Variants in EIPR1 observed in about 807,000 individuals in gnomAD.
EIPR1 encodes the protein EARP and GARP complex-interacting protein 1.
EIPR1 carries 25 observed loss-of-function variants against 48.1 expected under a neutral mutation model. The observed-to-expected ratio is 0.52, with a 90% CI of 0.38 to 0.73. The LOEUF (loss-of-function observed/expected upper bound fraction) is 0.73. EIPR1 is among the 30% of genes least tolerant of loss of function. EIPR1 has a pLI of 0.00. For missense variants in EIPR1, 415 were observed against 506.2 expected (o/e 0.82, Z 1.73); for synonymous variants, 204 against 201.9 (o/e 1.01, Z -0.09).
At chr2:3,254,002 G>A (rs1018083982) in intron 4 of EIPR1, among the ~76,000 whole-genome samples, 3 of 152,114 alleles carry the variant, frequency 2.0e-5, no homozygotes, top group South Asian at 2.1e-4. Context: ...TGGCATTCTC[G>A]GGCACTCCCA....
intron 3 of EIPR1, among the ~76,000 whole-genome samples, chr2:3,305,185 A>G (rs1204881347): frequency 1.1e-4 from 10 of 87,054 alleles, no homozygotes; most frequent in African/African-American, 1.4e-4. Flanking sequence ...CTCCAATCCC[A>G]TCCAGTTCAA....
intron 8 of EIPR1, among the ~76,000 whole-genome samples, chr2:3,190,860 G>A (rs966946271): frequency 6.6e-6 from 1 of 152,220 alleles, no homozygotes; most frequent in Non-Finnish European, 1.5e-5. Context: ...CTAGCACTTT[G>A]GGAGGCTGAA....
Position 3,189,632 on chromosome 2 carries a change from G to T in EIPR1, c.990-124C>A. On this transcript the variant is annotated intron_variant, in intron 8 of 8. Coordinates refer to ENST00000382125, the MANE Select transcript of EIPR1 (RefSeq NM_003310.5). The surrounding 1 kb of genome is among the most constrained non-coding windows in gnomAD (Gnocchi z 4.6). The stretch of plus-strand genomic sequence containing the variant: ...AGGTACTGGGGCCTCAGCTTTCTCC[G>T]CTGTGGGATGGGAAGAATTAGAGGA... 3 of 917,232 alleles carry T rather than the reference G, an allele frequency of 3.3e-6. No homozygotes were observed. The highest frequency in any genetic ancestry group is 3.1e-6 in the Non-Finnish European group (2 of 654,124). The allele number at this position is 917,232 out of a possible 1,614,324, so 56.8% of individuals were successfully genotyped here.
intron 3 of EIPR1, among the ~76,000 whole-genome samples, chr2:3,263,850 T>TCTTACTAA (rs10629310): frequency 0.018 from 2,656 of 151,736 alleles, 72 homozygotes; most frequent in African/African-American, 0.061. Context: ...CCATTAACTT[T>TCTTACTAA]CTAATTAAAA....
chr2:3,194,699 G>A (rs1199546724), intron 6 of EIPR1, among the ~76,000 whole-genome samples: 3 of 151,892 alleles, frequency 2.0e-5, no homozygotes, highest in Non-Finnish European at 4.4e-5. Context: ...GAGAGAAAGG[G>A]GGGGGCAGTG....
chr2:3,335,845 C>G (rs1304477635), intron 3 of EIPR1, among the ~76,000 whole-genome samples: 1 of 152,186 alleles, frequency 6.6e-6, no homozygotes, highest in South Asian at 2.1e-4. Context: ...CCTGAGGCCG[C>G]CCAGTCATGC....
At chr2:3,336,646 T>C (rs1453493088) in intron 3 of EIPR1, among the ~76,000 whole-genome samples, 1 of 152,054 alleles carries the variant, frequency 6.6e-6, no homozygotes, top group Admixed American at 6.5e-5. Flanking sequence ...TGTGCACCTG[T>C]AATCCCAGCT....
In EIPR1 at chr2:3,370,026, T is replaced by C. The variant is rs188335895; in HGVS notation, c.42+7622A>G. 6.9e-3 allele frequency among the ~76,000 whole-genome samples: 1,057 copies of C among 152,138 alleles called. 24 individuals are homozygous for C. Among genetic ancestry groups the C allele is most frequent in the African/African-American group, 0.025 (1,019 of 41,508 alleles). ...ACTGACACCTCACACGGCCGGGTAC[T>C]CCTCTGAGACAAAACTTCCAGAGGA... On this transcript the variant is annotated intron_variant, in intron 1 of 8. Coordinates refer to ENST00000382125, the MANE Select transcript of EIPR1 (RefSeq NM_003310.5).
intron 1 of EIPR1, among the ~76,000 whole-genome samples, chr2:3,367,107 TA>T (rs34760448): frequency 0.51 from 72,088 of 142,584 alleles, 18,734 homozygotes; most frequent in Admixed American, 0.61. Flanking sequence ...CTGATGAAAT[TA>T]AAAAAAAAAA....
intron 3 of EIPR1, among the ~76,000 whole-genome samples, chr2:3,291,821 A>G (rs527938317): frequency 6.6e-6 from 1 of 152,192 alleles, no homozygotes; most frequent in Non-Finnish European, 1.5e-5. Flanking sequence ...CGTTTTCCTG[A>G]TTTTCTTGGA....
At chr2:3,373,079 C>T (rs1250734085) in intron 1 of EIPR1, among the ~76,000 whole-genome samples, 21 of 152,236 alleles carry the variant, frequency 1.4e-4, no homozygotes, top group Non-Finnish European at 1.9e-4. Flanking sequence ...GTTCAATCTA[C>T]GCAAATCAAT....
chr2:3,257,205 T>C, intron 4 of EIPR1, 94 bp downstream of exon 4: 1 of 1,384,258 alleles, frequency 7.2e-7, no homozygotes, highest in Non-Finnish European at 9.7e-7. Context: ...TTCCGAGGTG[T>C]GGACGGTGGC....
intron 1 of EIPR1, among the ~76,000 whole-genome samples, chr2:3,373,357 C>T (rs577796416): frequency 1.3e-5 from 2 of 152,050 alleles, no homozygotes; most frequent in East Asian, 1.9e-4. Flanking sequence ...TCCTATTCAA[C>T]ATAGTGTTGG....
At chr2:3,207,899 A>G (rs1665291393) in intron 5 of EIPR1, 1 of 152,376 alleles carries the variant, frequency 6.6e-6, no homozygotes, top group South Asian at 2.1e-4. Flanking sequence ...AACTTGGTAA[A>G]TTATACTATG....
At chr2:3,303,923 C>A (rs10175490) in intron 3 of EIPR1, among the ~76,000 whole-genome samples, 2 of 152,030 alleles carry the variant, frequency 1.3e-5, no homozygotes, top group African/African-American at 4.8e-5. Context: ...CTTATACAGT[C>A]ATATAATTTG....
chr2:3,359,915 G>A (rs1312849593), intron 1 of EIPR1, among the ~76,000 whole-genome samples: 1 of 152,148 alleles, frequency 6.6e-6, no homozygotes, highest in Non-Finnish European at 1.5e-5. Flanking sequence ...GACGAGCAAG[G>A]TCATGTGACT....
chr2:3,225,220 ATATGTGTG>A (rs1006954170), intron 4 of EIPR1, among the ~76,000 whole-genome samples: 17 of 90,432 alleles, frequency 1.9e-4, no homozygotes, highest in South Asian at 8.6e-4. Flanking sequence ...GTACACTGTG[ATATGTGTG>A]TGTGTGTGTG....
intron 6 of EIPR1, 111 bp downstream of exon 6, chr2:3,196,770 A>G (rs916538941): frequency 1.4e-6 from 2 of 1,432,426 alleles, no homozygotes; most frequent in East Asian, 5.0e-5. Flanking sequence ...AGATAAAGAC[A>G]AACCATGCGC....
At chr2:3,209,009 A>G (rs1665343169) in intron 5 of EIPR1, 1 of 1,454,654 alleles carries the variant, frequency 6.9e-7, no homozygotes. Context: ...CAGAAGCGGG[A>G]ACAATAGTGG....
Sources: gnomAD v4.1 joint callset for allele counts (sites outside exome capture counted in the v4.1 genomes callset) on GRCh38, gnomAD v4.1.1 for gene constraint, Gnocchi (gnomAD v3.1) non-coding constraint, MANE v1.5 for transcripts, NCBI Gene and HGNC (gene_info 2026-07-23, HGNC 2026-07-21) for gene names.